Variants in TACR3 observed in about 807,000 individuals in gnomAD.
TACR3 encodes neuromedin-K receptor.
A neutral mutation model predicts 35.0 loss-of-function variants in TACR3; 34 were observed. The observed-to-expected ratio is 0.97, with a 90% confidence interval of 0.74 to 1.30. TACR3 has a LOEUF of 1.30. Among genes scored for constraint, TACR3 ranks in the 50% most tolerant of loss-of-function variants. The pLI, the probability that TACR3 is intolerant of heterozygous loss-of-function variation, is 0.00. For missense variants in TACR3, 558 were observed against 591.7 expected (o/e 0.94, Z 0.59); for synonymous variants, 233 against 221.1 (o/e 1.05, Z -0.48).
chr4:103,709,423 G>C (rs964349752), intron 1 of TACR3, among the ~76,000 whole-genome samples: 1 of 152,116 alleles, frequency 6.6e-6, no homozygotes, highest in Non-Finnish European at 1.5e-5. Flanking sequence ...ATAAGTGAAG[G>C]AGAAATAAAA....
chr4:103,635,440 A>C (rs1311662253), intron 3 of TACR3, among the ~76,000 whole-genome samples: 2 of 151,904 alleles, frequency 1.3e-5, no homozygotes, highest in Non-Finnish European at 2.9e-5. Flanking sequence ...TCCCACCCCT[A>C]CCCCTGTGCA....
At chr4:103,608,992 T>C (rs1724450990) in intron 3 of TACR3, among the ~76,000 whole-genome samples, 1 of 152,074 alleles carries the variant, frequency 6.6e-6, no homozygotes, top group Non-Finnish European at 1.5e-5. Context: ...GCTAAATAGA[T>C]GAGGAATTAA....
At chr4:103,608,952 A>C (rs1374954514) in intron 3 of TACR3, among the ~76,000 whole-genome samples, 2 of 152,150 alleles carry the variant, frequency 1.3e-5, no homozygotes, top group Non-Finnish European at 2.9e-5. Context: ...TAAAATCAAT[A>C]AATTAATAGA....
At chr4:103,615,406 A>T (rs868780385) in intron 3 of TACR3, among the ~76,000 whole-genome samples, 33,948 of 140,588 alleles carry the variant, frequency 0.24, 4,064 homozygotes, top group Middle Eastern at 0.34. Context: ...TGTGAGAGAG[A>T]GAGAGAGAGA....
intron 3 of TACR3, among the ~76,000 whole-genome samples, chr4:103,606,880 G>A (rs1465165334): frequency 6.6e-6 from 1 of 152,146 alleles, no homozygotes; most frequent in African/African-American, 2.4e-5. Context: ...TGTTGAGAGA[G>A]GGCATCCCTG....
intron 3 of TACR3, among the ~76,000 whole-genome samples, chr4:103,638,412 T>A (rs1168294434): frequency 1.3e-5 from 2 of 151,952 alleles, no homozygotes; most frequent in African/African-American, 4.8e-5. Flanking sequence ...ACTGGATCCC[T>A]TCCTTACACC....
At chr4:103,649,273 A>G (rs1217513935) in intron 3 of TACR3, among the ~76,000 whole-genome samples, 1 of 152,072 alleles carries the variant, frequency 6.6e-6, no homozygotes, top group Non-Finnish European at 1.5e-5. Context: ...TTTGCTGCAC[A>G]GAAGCTTTTT....
At chr4:103,597,615 C>G (rs1210573456) in intron 3 of TACR3, among the ~76,000 whole-genome samples, 2 of 151,878 alleles carry the variant, frequency 1.3e-5, no homozygotes, top group African/African-American at 4.8e-5. Flanking sequence ...TCCCCCCACC[C>G]CACAAGAGTC....
chr4:103,609,540 T>A (rs1724467908), intron 3 of TACR3, among the ~76,000 whole-genome samples: 1 of 152,160 alleles, frequency 6.6e-6, no homozygotes, highest in African/African-American at 2.4e-5. Flanking sequence ...AATACATATA[T>A]AATGAAATGA....
intron 1 of TACR3, among the ~76,000 whole-genome samples, chr4:103,710,768 GA>G (rs1722928732): frequency 6.6e-6 from 1 of 152,050 alleles, no homozygotes; most frequent in Non-Finnish European, 1.5e-5. Flanking sequence ...GAAGAAAAGA[GA>G]GTGGAATCAA....
intron 1 of TACR3, among the ~76,000 whole-genome samples, chr4:103,695,809 A>G (rs1046625862): frequency 6.6e-6 from 1 of 152,020 alleles, no homozygotes; most frequent in Non-Finnish European, 1.5e-5. Flanking sequence ...TTATGTTAAG[A>G]AATACTGTAT....
At chr4:103,614,717 A>C (rs1407548107) in intron 3 of TACR3, among the ~76,000 whole-genome samples, 1 of 145,536 alleles carries the variant, frequency 6.9e-6, no homozygotes, top group African/African-American at 2.6e-5. Context: ...GGGATTATGA[A>C]GACTAAATGA....
chr4:103,617,486 C>T (rs1560808558), intron 3 of TACR3, among the ~76,000 whole-genome samples: 1 of 152,060 alleles, frequency 6.6e-6, no homozygotes, highest in Non-Finnish European at 1.5e-5. Flanking sequence ...TTGTTTTCAT[C>T]ATTACTAGAA....
rs1725718733 is a variant in TACR3 at position 103,655,714 on chromosome 4, A to T, written c.888+480T>A. The stretch of plus-strand genomic sequence containing the variant: ...TATCAGGGGAAAGAACACACAGAGA[A>T]AGTGAGAGAGAAATAAAAAGAGACG... On this transcript the variant is annotated intron_variant, in intron 3 of 4. Coordinates refer to ENST00000304883, the MANE Select transcript of TACR3 (RefSeq NM_001059.3). Among the ~76,000 whole-genome samples the T allele has an allele frequency of 2.0e-5, 3 of 152,076 alleles. No homozygotes were observed. The South Asian group carries it at 6.2e-4, about 31-fold the overall frequency.
At chr4:103,634,377 G>A (rs1306144970) in intron 3 of TACR3, among the ~76,000 whole-genome samples, 3 of 152,084 alleles carry the variant, frequency 2.0e-5, no homozygotes, top group African/African-American at 7.2e-5. Flanking sequence ...GGGGGAATGA[G>A]ATTGGGAGGA....
chr4:103,641,704 A>G (rs1725359848), intron 3 of TACR3, among the ~76,000 whole-genome samples: 1 of 152,028 alleles, frequency 6.6e-6, no homozygotes, highest in Non-Finnish European at 1.5e-5. Flanking sequence ...TATTCACAAT[A>G]GCCAAGATAT....
At chr4:103,614,882 G>GTTTTTTTTT (rs1325226834) in intron 3 of TACR3, among the ~76,000 whole-genome samples, 2 of 90,818 alleles carry the variant, frequency 2.2e-5, no homozygotes, top group African/African-American at 4.4e-5. Flanking sequence ...GATTATGAAT[G>GTTTTTTTTT]TGTTTTTTTT....
At chr4:103,681,473 G>A (rs1722087939) in intron 1 of TACR3, among the ~76,000 whole-genome samples, 1 of 151,850 alleles carries the variant, frequency 6.6e-6, no homozygotes, top group African/African-American at 2.4e-5. Flanking sequence ...AAAGTAAAAT[G>A]GTAGAAAAAG....
At chr4:103,702,315 G>A (rs967532396) in intron 1 of TACR3, among the ~76,000 whole-genome samples, 3 of 152,140 alleles carry the variant, frequency 2.0e-5, no homozygotes, top group Non-Finnish European at 2.9e-5. Flanking sequence ...CATCATCACT[G>A]ACCATCAGAG....
Sources: allele counts gnomAD v4.1 joint callset (sites outside exome capture counted in the v4.1 genomes callset), GRCh38; gene constraint gnomAD v4.1.1; transcripts MANE v1.5; gene names NCBI Gene and HGNC (gene_info 2026-07-23, HGNC 2026-07-21).